Variants in SVIL observed in about 807,000 individuals in gnomAD.
The protein encoded by SVIL is archvillin.
A neutral mutation model predicts 240.4 loss-of-function variants in SVIL; 101 were observed. That is an observed-to-expected ratio of 0.42 (90% CI 0.36 to 0.50). The LOEUF is 0.50. SVIL is among the 20% of genes least tolerant of loss of function. The probability of loss-of-function intolerance (pLI) is 0.01; values close to 1 mark genes in which losing one functional copy is unlikely to be tolerated. For synonymous variants in SVIL, 999 were observed against 1,100.0 expected (o/e 0.91, Z 1.82); for missense variants, 2,512 against 2,818.7 (o/e 0.89, Z 2.46).
intron 1 of SVIL, among the ~76,000 whole-genome samples, chr10:29,571,297 T>C (rs1245784566): frequency 6.6e-6 from 1 of 152,226 alleles, no homozygotes; most frequent in Non-Finnish European, 1.5e-5. Flanking sequence ...ACGTGGGTGA[T>C]GTAGATGACC....
chr10:29,721,911 G>C (rs1366214090), intron 1 of SVIL, among the ~76,000 whole-genome samples: 1 of 152,166 alleles, frequency 6.6e-6, no homozygotes, highest in Non-Finnish European at 1.5e-5. Flanking sequence ...CCAGGAGTTA[G>C]AGAAGAAGGC....
chr10:29,631,029 G>A (rs1459658482), intron 1 of SVIL, among the ~76,000 whole-genome samples: 1 of 152,140 alleles, frequency 6.6e-6, no homozygotes, highest in Non-Finnish European at 1.5e-5. Context: ...GTACAGGCTG[G>A]AGTCGAGGCC....
At chr10:29,480,885 C>T in intron 28 of SVIL, 72 bp from the exon 29 acceptor site, 2 of 1,518,568 alleles carry the variant, frequency 1.3e-6, no homozygotes, top group Admixed American at 3.5e-5. Context: ...CTCAATGCTG[C>T]TTCAGCTGTT....
intron 3 of SVIL, among the ~76,000 whole-genome samples, chr10:29,654,943 C>T (rs1257374657): frequency 6.6e-6 from 1 of 152,094 alleles, no homozygotes; most frequent in East Asian, 1.9e-4. Flanking sequence ...GGCCCGGAGT[C>T]AATTGGACAG....
chr10:29,724,037 G>A (rs1223425733), intron 1 of SVIL, among the ~76,000 whole-genome samples: 11 of 152,232 alleles, frequency 7.2e-5, no homozygotes, highest in Admixed American at 2.0e-4. Context: ...AAGTATGAAC[G>A]GGTTTATAAA....
chr10:29,543,183 A>G (rs1481404890), intron 6 of SVIL, among the ~76,000 whole-genome samples: 1 of 152,212 alleles, frequency 6.6e-6, no homozygotes, highest in African/African-American at 2.4e-5. Flanking sequence ...CAAAAATTCA[A>G]AAAATTGCAA....
chr10:29,674,028 A>C (rs1469965747), intron 2 of SVIL, among the ~76,000 whole-genome samples: 1 of 152,148 alleles, frequency 6.6e-6, no homozygotes, highest in Non-Finnish European at 1.5e-5. Context: ...ATTTAGCATA[A>C]ATTTTTTTTT....
chr10:29,679,334 T>C (rs563136114), intron 2 of SVIL, among the ~76,000 whole-genome samples: 1 of 152,328 alleles, frequency 6.6e-6, no homozygotes, highest in Admixed American at 6.5e-5. Context: ...ATGACATATA[T>C]TTGTGAGAAG....
chr10:29,491,164 G>A, intron 21 of SVIL, 145 bp from the exon 22 acceptor site: 1 of 948,946 alleles, frequency 1.1e-6, no homozygotes, highest in Non-Finnish European at 1.5e-6. Context: ...CTGACATGGA[G>A]TCGTAGAATC....
At chr10:29,478,924 C>CAAA (rs71020791) in intron 29 of SVIL, among the ~76,000 whole-genome samples, 8 of 63,038 alleles carry the variant, frequency 1.3e-4, no homozygotes, top group African/African-American at 1.7e-4. Flanking sequence ...AACCCTGTCT[C>CAAA]AAAAAAAAAA....
At chr10:29,474,458 G>A (rs1253642945) in intron 29 of SVIL, among the ~76,000 whole-genome samples, 8 of 152,088 alleles carry the variant, frequency 5.3e-5, no homozygotes, top group Non-Finnish European at 1.2e-4. Flanking sequence ...AGCCTGGTGT[G>A]GTGTTGCACA....
intron 1 of SVIL, among the ~76,000 whole-genome samples, chr10:29,691,251 G>T (rs1269096643): frequency 2.1e-5 from 3 of 145,958 alleles, no homozygotes; most frequent in Admixed American, 1.4e-4. Context: ...TCACTCTGTC[G>T]CCCAGGCTGG....
chr10:29,735,225 C>G lies in SVIL; in HGVS notation c.-400+526G>C, dbSNP rs950018191. ...GCATCGGGTTCAAACCCGCGCGGGC[C>G]CTGCGGAGGCGCCGGTCTGGGACCC... On this transcript the variant is annotated intron_variant, in intron 1 of 35. Transcript: ENST00000375400. The surrounding 1 kb of genome is among the most constrained non-coding windows in gnomAD (Gnocchi z 4.1). Among the ~76,000 whole-genome samples the G allele has an allele frequency of 3.9e-5, 6 of 152,018 alleles. No homozygotes were observed. The highest frequency in any genetic ancestry group is 2.6e-4 in the Admixed American group (4 of 15,280).
At chr10:29,689,129 CA>C in intron 1 of SVIL, among the ~76,000 whole-genome samples, 2 of 152,296 alleles carry the variant, frequency 1.3e-5, no homozygotes, top group Middle Eastern at 6.8e-3. Context: ...AATTTAGAAT[CA>C]CAGAATGAGT....
chr10:29,549,613 G>A (rs1161093522), intron 6 of SVIL, among the ~76,000 whole-genome samples: 1 of 146,748 alleles, frequency 6.8e-6, no homozygotes, highest in Non-Finnish European at 1.5e-5. Context: ...CAAAGACTTG[G>A]AACCAACCCA....
Position 29,523,996 on chromosome 10 carries a change from G to T in SVIL, c.2618C>A (p.Pro873His). The change falls in exon 15 of 38, where the codon CCT becomes CAT. Residue 873 changes from proline (P) to histidine (H), a missense_variant. By Grantham distance (77) the Pro-to-His change is moderately conservative. This residue lies in a region of SVIL where 1,443 missense variants were observed against 1,486.6 expected (regional missense o/e 0.97). Transcript: ENST00000355867. ...GGTAGACACTGATGTGTTCACGGCA[G>T]GTGAGAAAGGAATGAGCTTTCCACT... ...VQSGKLIPFS[P>H]AVNTSVSTVA... 1 of 1,612,920 alleles carries T rather than the reference G, an allele frequency of 6.2e-7. No homozygotes were observed. The highest frequency in any genetic ancestry group is 8.5e-7 in the Non-Finnish European group (1 of 1,179,490).
chr10:29,488,678 C>T lies in SVIL; in HGVS notation c.4271G>A (p.Arg1424Gln), dbSNP rs146000151. The T allele has an allele frequency of 5.0e-6, 8 of 1,612,858 alleles. No individual in the cohort carries two copies. The highest frequency in any genetic ancestry group is 2.2e-5 in the East Asian group (1 of 44,852). The change falls in exon 23 of 38, where the codon CGG becomes CAG. Residue 1424 changes from arginine (R) to glutamine (Q), a missense_variant. Arg to Gln is a conservative substitution (Grantham distance 43). Coordinates refer to ENST00000355867, the MANE Select transcript of SVIL (RefSeq NM_021738.3). ...SKENFSNVSLRSVNLTEQNSN... is the reference protein window; with the variant it reads ...SKENFSNVSLQSVNLTEQNSN... ...GTTCTGTTCCGTCAGGTTGACGCTC[C>T]GCAGGCTGACGTTGCTGAAGTTTTC... is the stretch of plus-strand genomic sequence containing the variant.
chr10:29,612,777 A>C (rs1336382446), intron 1 of SVIL, among the ~76,000 whole-genome samples: 1 of 152,212 alleles, frequency 6.6e-6, no homozygotes, highest in Non-Finnish European at 1.5e-5. Flanking sequence ...TTTCCTAGTC[A>C]CAAACGTCCA....
intron 3 of SVIL, among the ~76,000 whole-genome samples, chr10:29,654,324 T>C (rs1958931086): frequency 6.6e-6 from 1 of 152,130 alleles, no homozygotes; most frequent in Admixed American, 6.6e-5. Context: ...ATTGTTTCTA[T>C]TTTATTTCAT....
Sources: allele counts gnomAD v4.1 joint callset (sites outside exome capture counted in the v4.1 genomes callset), GRCh38; gene constraint gnomAD v4.1.1; regional missense constraint gnomAD v4.1.1; non-coding constraint Gnocchi (gnomAD v3.1); transcripts MANE v1.5; gene names NCBI Gene and HGNC (gene_info 2026-07-23, HGNC 2026-07-21).